KCTD3: variants seen among roughly 807,000 people sequenced by gnomAD.
KCTD3 encodes the protein BTB/POZ domain-containing protein KCTD3.
In KCTD3, 41 loss-of-function variants were observed where a neutral mutation model predicts 85.8. That is an observed-to-expected ratio of 0.48 (90% CI 0.37 to 0.62). The LOEUF is 0.62. Among genes scored for constraint, KCTD3 ranks in the 20% least tolerant of loss-of-function variants. The pLI, the probability that KCTD3 is intolerant of heterozygous loss-of-function variation, is 0.00. For synonymous variants in KCTD3, 338 were observed against 345.4 expected, an observed-to-expected ratio of 0.98 and a Z score of 0.24; for missense variants, 724 against 989.9, an observed-to-expected ratio of 0.73 and a Z score of 3.60.
intron 12 of KCTD3, among the ~76,000 whole-genome samples, 192 bp from the exon 13 acceptor site, chr1:215,603,940 A>G (rs964662312): frequency 1.3e-5 from 2 of 152,176 alleles, no homozygotes; most frequent in Admixed American, 1.3e-4. Context: ...TTAGGAAAAG[A>G]TTTATCAAGG....
chr1:215,587,626 A>G (rs6682584), intron 9 of KCTD3, among the ~76,000 whole-genome samples: 1 of 152,136 alleles, frequency 6.6e-6, no homozygotes, highest in African/African-American at 2.4e-5. Flanking sequence ...TGTGATATCT[A>G]TTTCTGCATT....
At position 215,595,589 on chromosome 1, in the gene KCTD3, T is replaced by G. The variant is rs2102582747; in HGVS notation, c.933+118T>G. 6 of 614,092 alleles carry G rather than the reference T, an allele frequency of 9.8e-6. No individual in the cohort carries two copies. The South Asian group carries it at 1.6e-4, about 16-fold the overall frequency. 38.0% of individuals were successfully genotyped at this position (614,092 alleles called of 1,614,324 possible). ...TGGTTTTGGTTATACAAATATTGAA[T>G]AAATGTAGTGGTAAATTTTTTTGCT... On this transcript the variant is annotated intron_variant, in intron 10 of 17. Coordinates refer to ENST00000259154, the MANE Select transcript of KCTD3 (RefSeq NM_016121.5).
At chr1:215,577,862 T>C (rs1659650483) in intron 5 of KCTD3, 134 bp downstream of exon 5, 2 of 1,380,230 alleles carry the variant, frequency 1.4e-6, no homozygotes, top group Non-Finnish European at 2.0e-6. Flanking sequence ...ATTTTCATAG[T>C]AAAAAGATGT....
chr1:215,591,048 T>G (rs1429562441), intron 9 of KCTD3, among the ~76,000 whole-genome samples: 2 of 152,176 alleles, frequency 1.3e-5, no homozygotes, highest in African/African-American at 2.4e-5. Flanking sequence ...GGGCTCCTTT[T>G]CAAGGCTGTA....
At chr1:215,603,535 T>A (rs1654910297) in intron 12 of KCTD3, among the ~76,000 whole-genome samples, 1 of 152,206 alleles carries the variant, frequency 6.6e-6, no homozygotes, top group African/African-American at 2.4e-5. Context: ...AGCAATGTAA[T>A]GGGTATGTTT....
intron 13 of KCTD3, among the ~76,000 whole-genome samples, chr1:215,606,794 G>T (rs1655040033): frequency 6.6e-6 from 1 of 151,978 alleles, no homozygotes; most frequent in African/African-American, 2.4e-5. Flanking sequence ...TAACACATAT[G>T]TAATGACATT....
chr1:215,591,287 T>TTTCCTTCCTTCCTTCCTTCCTTCC (rs10592000), intron 9 of KCTD3, among the ~76,000 whole-genome samples: 51 of 111,032 alleles, frequency 4.6e-4, no homozygotes, highest in African/African-American at 8.7e-4. Context: ...TCCTTCCTTC[T>TTTCCTTCCTTCCTTCCTTCCTTCC]TTCCTTCCTT....
intron 14 of KCTD3, among the ~76,000 whole-genome samples, chr1:215,610,718 A>G (rs113324201): frequency 3.7e-4 from 57 of 152,146 alleles, no homozygotes; most frequent in African/African-American, 1.3e-3. Context: ...TTCCACTTCC[A>G]TCATATAGGA....
rs1199325974 is a variant in KCTD3 at position 215,620,419 on chromosome 1, A to C, written c.2249A>C (p.Lys750Thr). The change falls in exon 18 of 18, where the codon AAA becomes ACA. Residue 750 changes from lysine (K) to threonine (T), a missense_variant. By Grantham distance (78) the Lys-to-Thr change is moderately conservative (BLOSUM62 -1). Transcript: ENST00000259154. Reference sequence around the variant, plus strand: ...TCATCAGAAGATGAAAATGAAAATAAAATAGAGTTTAGGAAGAAAGGAGGA... The same window carrying C: ...TCATCAGAAGATGAAAATGAAAATACAATAGAGTTTAGGAAGAAAGGAGGA... The part of the protein sequence containing the change: ...KRSSEDENEN[K>T]IEFRKKGGFE... 6.2e-7 allele frequency: 1 copy of C among 1,613,184 alleles called. No individual in the cohort carries two copies. Among genetic ancestry groups the C allele is most frequent in the Admixed American group, 1.7e-5 (1 of 59,852 alleles).
intron 8 of KCTD3, chr1:215,581,279 T>C (rs1008656337): frequency 4.6e-5 from 7 of 152,210 alleles, no homozygotes; most frequent in African/African-American, 1.4e-4. Context: ...AAAAAAAGTG[T>C]TTTGTGGATT....
intron 10 of KCTD3, among the ~76,000 whole-genome samples, chr1:215,597,517 G>A (rs1432250421): frequency 2.0e-5 from 3 of 152,136 alleles, no homozygotes; most frequent in Admixed American, 2.0e-4. Flanking sequence ...AAGGCATTAT[G>A]TACTTTACTT....
At position 215,575,966 on chromosome 1, in the gene KCTD3, A is replaced by C. The variant is rs1033376217; in HGVS notation, c.249A>C (p.Leu83=). ...PILNFLRTKE[L]DLRGVSINVL... is the part of the protein sequence containing the mutation. ...TAAATTTTCTTCGGACAAAAGAACTAGACTTAAGGTAAGAAATGCACTCTT... is the reference window on the plus strand; with the variant it reads ...TAAATTTTCTTCGGACAAAAGAACTCGACTTAAGGTAAGAAATGCACTCTT... Residue 83 remains leucine (L), a synonymous_variant, in exon 4 of 18, where the codon CTA becomes CTC. Transcript: ENST00000259154. 2.0e-6 allele frequency: 3 copies of C among 1,506,928 alleles called. No homozygotes were observed. The highest frequency in any genetic ancestry group is 2.7e-6 in the Non-Finnish European group (3 of 1,098,978). 93.3% of individuals were successfully genotyped at this position (1,506,928 alleles called of 1,614,324 possible).
intron 9 of KCTD3, among the ~76,000 whole-genome samples, chr1:215,590,834 A>T (rs544094857): frequency 6.6e-6 from 1 of 152,270 alleles, no homozygotes; most frequent in African/African-American, 2.4e-5. Context: ...CCTGTTTCAC[A>T]TGTCTAGAGA....
At chr1:215,602,461 G>A (rs942625925) in intron 12 of KCTD3, among the ~76,000 whole-genome samples, 1 of 149,852 alleles carries the variant, frequency 6.7e-6, no homozygotes, top group Non-Finnish European at 1.5e-5. Context: ...TTATTATAAT[G>A]TTAGCTGAAA....
chr1:215,578,427 A>G (rs140676316), intron 6 of KCTD3, among the ~76,000 whole-genome samples: 7 of 152,294 alleles, frequency 4.6e-5, no homozygotes, highest in Admixed American at 2.6e-4. Flanking sequence ...TCCATGGCCC[A>G]TAGTTTGCTG....
At chr1:215,577,012 A>G (rs1000896109) in intron 4 of KCTD3, among the ~76,000 whole-genome samples, 1 of 152,202 alleles carries the variant, frequency 6.6e-6, no homozygotes, top group Non-Finnish European at 1.5e-5. Context: ...CCTAAGATGA[A>G]TTATTAGTAT....
At chr1:215,587,199 A>G (rs556635133) in intron 9 of KCTD3, among the ~76,000 whole-genome samples, 3 of 149,308 alleles carry the variant, frequency 2.0e-5, no homozygotes, top group East Asian at 4.0e-4. Context: ...GCATGATCTC[A>G]GCTCACTGCA....
At chr1:215,582,014 C>T (rs1392009265) in intron 8 of KCTD3, among the ~76,000 whole-genome samples, 1 of 152,140 alleles carries the variant, frequency 6.6e-6, no homozygotes, top group Non-Finnish European at 1.5e-5. Flanking sequence ...GTCCCTTTTT[C>T]TTGCTGAGTT....
intron 6 of KCTD3, 37 bp downstream of exon 6, chr1:215,578,118 T>C (rs1290379552): frequency 6.4e-7 from 1 of 1,573,242 alleles, no homozygotes; most frequent in East Asian, 2.2e-5. Context: ...AAAAATTCCT[T>C]GTATCATTAA....
Sources: gnomAD v4.1 joint callset for allele counts (sites outside exome capture counted in the v4.1 genomes callset) on GRCh38, gnomAD v4.1.1 for gene constraint, MANE v1.5 for transcripts, NCBI Gene and HGNC (gene_info 2026-07-23, HGNC 2026-07-21) for gene names.